Variants in RIF1 observed in about 807,000 individuals in gnomAD.
RIF1 encodes replication timing regulatory factor 1, also known as telomere-associated protein RIF1.
Under a neutral mutation model 247.1 loss-of-function variants are expected in RIF1, and 45 were observed. That is an observed-to-expected ratio of 0.18 (90% CI 0.14 to 0.23). The LOEUF (loss-of-function observed/expected upper bound fraction) is 0.23, where lower values mean the gene tolerates loss of function less well. Ranked by LOEUF, RIF1 falls within the 10% of genes least tolerant of loss-of-function variation. RIF1 has a pLI of 1.00. For missense variants in RIF1, 2,967 were observed against 2,862.5 expected, an observed-to-expected ratio of 1.04 and a Z score of -0.83; for synonymous variants, 1,087 against 978.8, an observed-to-expected ratio of 1.11 and a Z score of -2.06.
intron 9 of RIF1, among the ~76,000 whole-genome samples, chr2:151,431,774 C>T (rs1024611885): frequency 6.0e-5 from 6 of 99,764 alleles, no homozygotes; most frequent in Non-Finnish European, 1.1e-4. Context: ...GTGAAACTTC[C>T]GTCTCTGAAT....
At chr2:151,514,802 AC>A in the RIF1 span, 16 of 1,517,894 alleles carry the variant, frequency 1.1e-5, 1 homozygote, top group South Asian at 1.3e-4. Flanking sequence ...GAAAGAAAAG[AC>A]CAAGTGGGCA....
intron 7 of RIF1, among the ~76,000 whole-genome samples, chr2:151,422,409 G>T (rs945777064): frequency 4.6e-5 from 7 of 151,986 alleles, no homozygotes; most frequent in Non-Finnish European, 8.8e-5. Context: ...AAGTGTTAAT[G>T]GTAGAATCTG....
chr2:151,507,054 T>A, intron 13 of RIF1: 1 of 1,232,518 alleles, frequency 8.1e-7, no homozygotes, highest in South Asian at 1.2e-5. Flanking sequence ...ATTTCAACAT[T>A]GCTTTGTTTT....
At chr2:151,516,370 G>A in the RIF1 span, 2 of 811,672 alleles carry the variant, frequency 2.5e-6, no homozygotes, top group Non-Finnish European at 3.9e-6. Context: ...ACCACTTTTG[G>A]ATGACAGGAA....
At chr2:151,516,377 G>A in the RIF1 span, 2 of 900,166 alleles carry the variant, frequency 2.2e-6, no homozygotes, top group African/African-American at 1.7e-5. Context: ...TTGGATGACA[G>A]GAAACTGGCC....
chr2:151,445,271 T>G (rs1335499737), intron 18 of RIF1, 67 bp from the exon 19 acceptor site: 2 of 926,816 alleles, frequency 2.2e-6, no homozygotes, highest in Non-Finnish European at 3.6e-6. Flanking sequence ...TATAAATAAG[T>G]TATGTTACTA....
intron 3 of RIF1, among the ~76,000 whole-genome samples, chr2:151,412,845 A>G (rs1212178680): frequency 6.6e-6 from 1 of 152,090 alleles, no homozygotes; most frequent in Non-Finnish European, 1.5e-5. Context: ...TTGGCGAAGT[A>G]TTAACAGAGA....
intron 10 of RIF1, chr2:151,496,339 T>C (rs1265071744): frequency 1.9e-6 from 3 of 1,611,248 alleles, no homozygotes; most frequent in South Asian, 1.1e-5. Flanking sequence ...CTAAAGGAGT[T>C]CCCTTGCCCA....
At position 151,465,388 on chromosome 2, in the gene RIF1, AGCTAAACTGAAT is replaced by A. The variant is rs763328486; in HGVS notation, c.5871_5882del (p.Leu1959_Lys1962del). 32 of 1,613,704 alleles carry A rather than the reference AGCTAAACTGAAT, an allele frequency of 2.0e-5. 1 individual carries two copies. The Middle Eastern group carries it at 4.9e-4, about 25-fold the overall frequency. ...GAAATGATGACTCTGAAGCAGACACAGCTAAACTGAATGCCAAAGAAGTAGCAACTGAGGAAT... is the reference window on the plus strand; with the variant it reads ...GAAATGATGACTCTGAAGCAGACACAGCCAAAGAAGTAGCAACTGAGGAAT... On this transcript the variant is annotated inframe_deletion, in exon 30 of 36. Transcript: ENST00000444746.
At chr2:151,412,233 T>C (rs1272702895) in intron 3 of RIF1, among the ~76,000 whole-genome samples, 1 of 146,092 alleles carries the variant, frequency 6.8e-6, no homozygotes, top group African/African-American at 2.5e-5. Flanking sequence ...GTTTTTAGAA[T>C]GAAAAAGTTG....
At position 151,492,511 on chromosome 2, in the gene RIF1, C is replaced by T. The variant is rs141586484; in HGVS notation, c.*416-2718C>T. 6.4e-6 allele frequency: 10 copies of T among 1,564,656 alleles called. 1 individual carries two copies. In the East Asian group the frequency reaches 1.3e-4, roughly 21 times the overall value. On this transcript the variant is annotated intron_variant and NMD_transcript_variant, in intron 9 of 13. Transcript: ENST00000454583. ...ATAAAGAACCTGATGCAGGAGAGACCGTGAATGAGTGGTGCTGTCCTAAAT... is the reference window on the plus strand; with the variant it reads ...ATAAAGAACCTGATGCAGGAGAGACTGTGAATGAGTGGTGCTGTCCTAAAT...
At chr2:151,491,645 G>T in intron 9 of RIF1, 2 of 1,443,434 alleles carry the variant, frequency 1.4e-6, no homozygotes, top group South Asian at 1.2e-5. Flanking sequence ...ATACTAAATG[G>T]TGATGTTTAT....
At chr2:151,471,132 A>T (rs1475890343) in intron 34 of RIF1, among the ~76,000 whole-genome samples, 2 of 152,090 alleles carry the variant, frequency 1.3e-5, no homozygotes, top group Non-Finnish European at 2.9e-5. Flanking sequence ...CCTATTCTGG[A>T]TATTTCATAA....
At chr2:151,512,236 G>A (rs867014941), downstream of RIF1, among the ~76,000 whole-genome samples, 4 of 151,826 alleles carry the variant, frequency 2.6e-5, no homozygotes, top group South Asian at 2.1e-4. Flanking sequence ...GAGTTTCACC[G>A]TGTTAGCCAG....
intron 8 of RIF1, among the ~76,000 whole-genome samples, chr2:151,424,149 G>A (rs1359028441): frequency 2.0e-5 from 3 of 152,148 alleles, no homozygotes; most frequent in Middle Eastern, 3.2e-3. Flanking sequence ...TGTCACCCAG[G>A]CTGGAGTACA....
chr2:151,465,096 TTAA>T lies in RIF1; in HGVS notation c.5577_5579del (p.Phe1859_Lys1860delinsLeu), dbSNP rs1216866328. 1 of 1,603,934 alleles carries T rather than the reference TTAA, an allele frequency of 6.2e-7. No homozygotes were observed. Among genetic ancestry groups the T allele is most frequent in the African/African-American group, 1.4e-5 (1 of 73,950 alleles). On this transcript the variant is annotated inframe_deletion, in exon 30 of 36. Coordinates refer to ENST00000444746, the MANE Select transcript of RIF1 (RefSeq NM_018151.5). ...AGCCAGGAGTCACCTAATGAAAATT[TTAA>T]AACTGTTGGCCCGTGTTTAGGAGAC...
At chr2:151,527,461 CTG>C in the RIF1 span, 6 of 1,573,142 alleles carry the variant, frequency 3.8e-6, no homozygotes, top group South Asian at 6.8e-5. Flanking sequence ...TTACAATCGT[CTG>C]TGTCTCTCCT....
At chr2:151,507,105 G>A (rs1559349019) in intron 13 of RIF1, 1 of 795,230 alleles carries the variant, frequency 1.3e-6, no homozygotes, top group African/African-American at 1.8e-5. Context: ...TTAAAATCCT[G>A]TATCTTTAAA....
At chr2:151,507,028 TA>T in intron 13 of RIF1, 1 of 1,438,846 alleles carries the variant, frequency 7.0e-7, no homozygotes, top group Non-Finnish European at 9.8e-7. Flanking sequence ...GAAGAAAGAG[TA>T]AACATCTTGT....
Sources: gnomAD v4.1 joint callset for allele counts (sites outside exome capture counted in the v4.1 genomes callset) on GRCh38, gnomAD v4.1.1 for gene constraint, MANE v1.5 for transcripts, NCBI Gene and HGNC (gene_info 2026-07-23, HGNC 2026-07-21) for gene names.